Variants in SMTN observed in about 807,000 individuals in gnomAD.
SMTN encodes the protein smoothelin.
In SMTN, 58 loss-of-function variants were observed where a neutral mutation model predicts 102.0. The observed-to-expected ratio is 0.57, with a 90% CI of 0.46 to 0.71. SMTN has a LOEUF of 0.71. Among genes scored for constraint, SMTN ranks in the 30% least tolerant of loss-of-function variants. The pLI, the probability that SMTN is intolerant of heterozygous loss-of-function variation, is 0.00. For missense variants in SMTN, 1,185 were observed against 1,241.7 expected, an observed-to-expected ratio of 0.95 and a Z score of 0.69; for synonymous variants, 478 against 497.9, an observed-to-expected ratio of 0.96 and a Z score of 0.53.
At chr22:31,070,712 T>C (rs1205272055) in intron 1 of SMTN, among the ~76,000 whole-genome samples, 2 of 151,666 alleles carry the variant, frequency 1.3e-5, no homozygotes, top group African/African-American at 4.9e-5. Flanking sequence ...TCACTTGAGG[T>C]CAGGGGTTCA....
chr22:31,099,017 T>A (rs1254806807), intron 17 of SMTN, 45 bp from the exon 18 acceptor site: 5 of 1,573,226 alleles, frequency 3.2e-6, no homozygotes, highest in Non-Finnish European at 4.3e-6. Context: ...CACCGAGGCA[T>A]GCCCCTTATA....
chr22:31,088,864 C>T lies in SMTN; in HGVS notation c.374-8C>T, dbSNP rs780925063. ...TCACTCACCTGCCACTTGCTCCTTC[C>T]CTTCCAGCTGCCACCTTGGCTGGGA... On this transcript the variant is annotated splice_polypyrimidine_tract_variant and splice_region_variant and intron_variant, in intron 5 of 20. Transcript: ENST00000333137. 2 of 1,613,760 alleles carry T rather than the reference C, an allele frequency of 1.2e-6. No individual in the cohort carries two copies. Among genetic ancestry groups the T allele is most frequent in the Non-Finnish European group, 1.7e-6 (2 of 1,179,932 alleles).
At chr22:31,100,044 CTT>C in intron 19 of SMTN, 148 bp downstream of exon 19, 1 of 545,446 alleles carries the variant, frequency 1.8e-6, no homozygotes, top group South Asian at 2.5e-5. Flanking sequence ...AGTCCCCGTC[CTT>C]CTCCATCCCC....
intron 10 of SMTN, 48 bp downstream of exon 10, chr22:31,091,530 G>T (rs372705008): frequency 7.9e-6 from 12 of 1,510,768 alleles, no homozygotes; most frequent in African/African-American, 5.6e-5. Flanking sequence ...GCCTGCAACC[G>T]CACTTCTGCA....
intron 2 of SMTN, chr22:31,084,966 G>C: frequency 2.1e-6 from 3 of 1,447,482 alleles, no homozygotes; most frequent in Middle Eastern, 2.5e-4. Flanking sequence ...ATAAGGAAAA[G>C]CTAGGCCCGC....
chr22:31,090,680 G>C (rs1270583668), intron 8 of SMTN, 128 bp from the exon 9 acceptor site: 1 of 770,484 alleles, frequency 1.3e-6, no homozygotes, highest in Non-Finnish European at 2.3e-6. Context: ...GGTGGGGTGG[G>C]GGTTGAGTAC....
In SMTN at chr22:31,093,777, C is replaced by T. The variant is rs2043340157; in HGVS notation, c.1633-1526C>T. The T allele has an allele frequency of 3.8e-6, 6 of 1,595,360 alleles. No individual in the cohort carries two copies. In the African/African-American group the frequency reaches 4.0e-5, roughly 11 times the overall value. Reference sequence around the variant, plus strand: ...TGGCTGCCGCCGACCCCGAGGCCCTCTTTCAGGCTGCCGAGGATGCCGGGA... The same window carrying T: ...TGGCTGCCGCCGACCCCGAGGCCCTTTTTCAGGCTGCCGAGGATGCCGGGA... On this transcript the variant is annotated intron_variant, in intron 11 of 20. Transcript: ENST00000333137.
intron 11 of SMTN, among the ~76,000 whole-genome samples, chr22:31,094,313 C>G (rs895404848): frequency 6.6e-6 from 1 of 152,096 alleles, no homozygotes; most frequent in South Asian, 2.1e-4. Context: ...CCAGCAGGGG[C>G]GAGGCAGGGG....
Position 31,099,161 on chromosome 22 carries a change from C to T in SMTN, c.2433C>T (p.Ala811=). ...AGATGCTGCTGGACTGGTGTCGAGC[C>T]AAGACTCGCGGCTACGAGGTGAGCC... is the stretch of plus-strand genomic sequence containing the variant. ...IKQMLLDWCR[A]KTRGYEHVDI... Residue 811 remains alanine (A), a synonymous_variant, in exon 18 of 21, where the codon GCC becomes GCT. Coordinates refer to ENST00000333137, the MANE Select transcript of SMTN (RefSeq NM_134269.3). 1.2e-6 allele frequency: 2 copies of T among 1,612,700 alleles called. No individual in the cohort carries two copies. Among genetic ancestry groups the T allele is most frequent in the South Asian group, 2.2e-5 (2 of 91,066 alleles).
At chr22:31,074,805 CAAA>C (rs35184437) in intron 1 of SMTN, among the ~76,000 whole-genome samples, 32,853 of 151,230 alleles carry the variant, frequency 0.22, 4,483 homozygotes, top group African/African-American at 0.4. Context: ...CAAAAAACAA[CAAA>C]AACAACAACA....
At chr22:31,093,363 G>A in intron 11 of SMTN, 1 of 357,364 alleles carries the variant, frequency 2.8e-6, no homozygotes. Flanking sequence ...CCTCGGACCA[G>A]CTGCAAAGAC....
Position 31,089,707 on chromosome 22 carries a change from G to A in SMTN, c.480G>A (p.Glu160=), listed in dbSNP as rs761905997. The change falls in exon 7 of 21, where the codon GAG becomes GAA. Residue 160 remains glutamate (E), a synonymous_variant. Transcript: ENST00000333137. ...CTGTGGGTCCCTTACAGGTGCCAGAGCGAGAGGAACAGGAACAGCAGGCAG... is the reference window on the plus strand; with the variant it reads ...CTGTGGGTCCCTTACAGGTGCCAGAACGAGAGGAACAGGAACAGCAGGCAG... ...AHRLEQCEVP[E]REEQEQQAEV... is the part of the protein sequence containing the mutation. The A allele has an allele frequency of 1.3e-6, 2 of 1,597,530 alleles. No homozygotes were observed. Among genetic ancestry groups the A allele is most frequent in the Non-Finnish European group, 1.7e-6 (2 of 1,176,118 alleles).
At chr22:31,069,819 G>A (rs1402475178) in intron 1 of SMTN, among the ~76,000 whole-genome samples, 1 of 152,236 alleles carries the variant, frequency 6.6e-6, no homozygotes, top group Non-Finnish European at 1.5e-5. Flanking sequence ...CTGGGTTCCA[G>A]CCCTGACTTG....
At chr22:31,089,165 A>G (rs970435737) in intron 6 of SMTN, among the ~76,000 whole-genome samples, 196 bp downstream of exon 6, 1 of 152,162 alleles carries the variant, frequency 6.6e-6, no homozygotes. Context: ...AACCCGTCCC[A>G]GGGCTGCCCC....
intron 20 of SMTN, chr22:31,101,783 C>CAAAAAAA (rs35106237): frequency 4.3e-5 from 3 of 69,870 alleles, no homozygotes; most frequent in East Asian, 4.6e-4. Context: ...GACTCCATCT[C>CAAAAAAA]AAAAAAAAAA....
Position 31,083,295 on chromosome 22 carries a change from G to C in SMTN, c.37G>C (p.Ala13Pro), listed in dbSNP as rs1264151776. Residue 13 changes from alanine to proline, a missense_variant, in exon 2 of 21, where the codon GCC becomes CCC. By Grantham distance (27) the Ala-to-Pro change is conservative. Around this residue, in one of 2 missense-constraint regions of SMTN, gnomAD observed 1,096 missense variants for 1,112.7 expected, o/e 0.98. Coordinates refer to ENST00000333137, the MANE Select transcript of SMTN (RefSeq NM_134269.3). ...GGCCTTAGCTGGGCTGGATGAGGGA[G>C]CCCTTCGGAAGCTGGTAAGTGGCCC... Reference protein sequence around the residue: ...DEALAGLDEGALRKLLEVTAD... With the variant: ...DEALAGLDEGPLRKLLEVTAD... 1 of 1,578,804 alleles carries C rather than the reference G, an allele frequency of 6.3e-7. No individual in the cohort carries two copies. The highest frequency in any genetic ancestry group is 8.6e-7 in the Non-Finnish European group (1 of 1,164,696).
chr22:31,066,054 A>T (rs935043684), intron 1 of SMTN: 2 of 151,986 alleles, frequency 1.3e-5, no homozygotes, highest in African/African-American at 2.4e-5. Flanking sequence ...CCCTTATCCT[A>T]CTTGCCAAGC....
chr22:31,092,057 C>T (rs1010484004), intron 11 of SMTN, among the ~76,000 whole-genome samples: 1 of 152,158 alleles, frequency 6.6e-6, no homozygotes. Context: ...CTAAGTGTGT[C>T]GGAAGCTTAC....
chr22:31,087,866 C>A, intron 2 of SMTN, 99 bp from the exon 3 acceptor site: 1 of 1,321,460 alleles, frequency 7.6e-7, no homozygotes, highest in Non-Finnish European at 1.0e-6. Context: ...AGGGAGTGGA[C>A]ACAGGCCACA....
Sources: allele counts gnomAD v4.1 joint callset (sites outside exome capture counted in the v4.1 genomes callset), GRCh38; gene constraint gnomAD v4.1.1; regional missense constraint gnomAD v4.1.1; transcripts MANE v1.5; gene names NCBI Gene and HGNC (gene_info 2026-07-23, HGNC 2026-07-21).